The following IFT70B variants were observed in gnomAD, a reference collection of about 807,000 sequenced individuals.
The protein encoded by IFT70B is intraflagellar transport protein 70B.
the IFT70B span, chr2:177,552,209 G>C: frequency 1.2e-6 from 2 of 1,614,142 alleles, no homozygotes; most frequent in African/African-American, 2.7e-5. Context: ...CAGGCTGGTA[G>C]CCCGAGGCCT....
the IFT70B span, chr2:177,552,443 ATCC>A: frequency 6.2e-7 from 1 of 1,613,154 alleles, no homozygotes; most frequent in Admixed American, 1.7e-5. Context: ...AGGCGGGGTT[ATCC>A]AGGAGAAGGA....
the IFT70B span, chr2:177,552,200 A>G: frequency 6.2e-7 from 1 of 1,614,272 alleles, no homozygotes; most frequent in East Asian, 2.2e-5. Context: ...AGGAAAGGTC[A>G]GGCTGGTAGC....
the IFT70B span, chr2:177,550,851 C>A: frequency 1.9e-6 from 3 of 1,614,090 alleles, no homozygotes; most frequent in Non-Finnish European, 2.5e-6. Flanking sequence ...AACATGCATT[C>A]TTTCTTCTTC....
At chr2:177,549,739 T>TG in the IFT70B span, 1 of 152,210 alleles carries the variant, frequency 6.6e-6, no homozygotes, top group Admixed American at 6.5e-5. Context: ...TCTTGGGAGT[T>TG]GCGGACATGA....
chr2:177,551,795 A>G, the IFT70B span: 51 of 1,614,228 alleles, frequency 3.2e-5, no homozygotes, highest in African/African-American at 6.3e-4. Flanking sequence ...ACAGGTTGCC[A>G]AAAGTCTCTG....
At chr2:177,551,617 C>CT in the IFT70B span, 1 of 1,614,122 alleles carries the variant, frequency 6.2e-7, no homozygotes, top group African/African-American at 1.3e-5. Flanking sequence ...AGCATCCCTG[C>CT]TAGCCCATCA....
the IFT70B span, chr2:177,551,296 A>C: frequency 6.2e-7 from 1 of 1,613,378 alleles, no homozygotes; most frequent in Non-Finnish European, 8.5e-7. Flanking sequence ...ATGTTATCAT[A>C]ATGCTTCTTG....
the IFT70B span, chr2:177,551,701 T>C: frequency 3.1e-6 from 5 of 1,614,088 alleles, no homozygotes; most frequent in Non-Finnish European, 4.2e-6. Flanking sequence ...AGATAGGGTG[T>C]GAGGAACTTA....
chr2:177,552,323 T>C, the IFT70B span: 3 of 1,613,990 alleles, frequency 1.9e-6, no homozygotes, highest in East Asian at 6.7e-5. Flanking sequence ...CGCCCCCACT[T>C]TCCTCTCCCC....
the IFT70B span, chr2:177,551,395 G>C: frequency 6.2e-7 from 1 of 1,614,286 alleles, no homozygotes; most frequent in Non-Finnish European, 8.5e-7. Flanking sequence ...CACACATCAT[G>C]GTCGTTACAG....
At chr2:177,550,796 C>CAT in the IFT70B span, 1 of 1,610,130 alleles carries the variant, frequency 6.2e-7, no homozygotes, top group South Asian at 1.1e-5. Context: ...TCTCATAAAT[C>CAT]AAAGCTTTTA....
chr2:177,552,659 G>T, the IFT70B span: 1 of 1,590,256 alleles, frequency 6.3e-7, no homozygotes, highest in East Asian at 2.3e-5. Flanking sequence ...GCAGTTCTCC[G>T]CCCAGCAGCT....
chr2:177,550,538 T>A, the IFT70B span: 2 of 409,898 alleles, frequency 4.9e-6, no homozygotes, highest in African/African-American at 4.2e-5. Flanking sequence ...ACTTCTGATA[T>A]AAACATTCCT....
chr2:177,552,773 G>A, the IFT70B span: 4 of 1,522,120 alleles, frequency 2.6e-6, no homozygotes, highest in Non-Finnish European at 3.5e-6. Context: ...TAACCACCAC[G>A]GCTGTTATGG....
chr2:177,550,822 A>G, the IFT70B span: 4 of 1,614,026 alleles, frequency 2.5e-6, no homozygotes, highest in Non-Finnish European at 3.4e-6. Context: ...CTAGACTCAT[A>G]TGTGACTGTA....
chr2:177,551,038 T>C, the IFT70B span: 1 of 1,614,186 alleles, frequency 6.2e-7, no homozygotes, highest in Non-Finnish European at 8.5e-7. Flanking sequence ...CCCAGCTTTT[T>C]GTTGTAAGGT....
chr2:177,551,869 C>G, the IFT70B span: 1 of 1,614,134 alleles, frequency 6.2e-7, no homozygotes, highest in East Asian at 2.2e-5. Context: ...GGCCTGGCAT[C>G]CATGTTCATT....
chr2:177,551,594 G>A, the IFT70B span: 86 of 1,613,960 alleles, frequency 5.3e-5, no homozygotes, highest in Non-Finnish European at 6.9e-5. Flanking sequence ...TAAGTTTCCG[G>A]AGGACCTCAG....
At chr2:177,552,130 C>A in the IFT70B span, 2 of 1,614,226 alleles carry the variant, frequency 1.2e-6, no homozygotes, top group South Asian at 1.1e-5. Context: ...ATAATCTCAG[C>A]GATATGCTTC....
Sources: allele counts gnomAD v4.1 joint callset, GRCh38; gene constraint gnomAD v4.1.1; transcripts MANE v1.5; gene names NCBI Gene and HGNC (gene_info 2026-07-23, HGNC 2026-07-21).